EIF2AK4: variants seen among roughly 807,000 people sequenced by gnomAD.
EIF2AK4 encodes the protein eukaryotic translation initiation factor 2 alpha kinase 4.
EIF2AK4 carries 139 observed loss-of-function variants against 211.1 expected under a neutral mutation model. The observed-to-expected ratio is 0.66, with a 90% confidence interval of 0.57 to 0.76. The LOEUF (loss-of-function observed/expected upper bound fraction) is 0.76, where lower values mean the gene tolerates loss of function less well. Among genes scored for constraint, EIF2AK4 ranks in the 30% least tolerant of loss-of-function variants. The pLI is 0.00. For missense variants in EIF2AK4, 1,664 were observed against 2,043.8 expected (o/e 0.81, Z 3.58); for synonymous variants, 710 against 751.3 (o/e 0.94, Z 0.90).
chr15:40,022,194 GTGTGTGTGTGTGTGTGTGTGTA>G, intron 31 of EIF2AK4: 1 of 198,408 alleles, frequency 5.0e-6, no homozygotes, highest in Non-Finnish European at 1.0e-5. Context: ...GTGTGTGTGT[GTGTGTGTGTGTGTGTGTGTGTA>G]TGTTGTGTTG....
chr15:39,986,582 G>A (rs983662782), intron 14 of EIF2AK4, among the ~76,000 whole-genome samples: 1 of 152,244 alleles, frequency 6.6e-6, no homozygotes, highest in African/African-American at 2.4e-5. Flanking sequence ...GGCCGGGCAC[G>A]GTGGCTTACG....
At chr15:40,027,869 G>A (rs2035485449) in intron 33 of EIF2AK4, among the ~76,000 whole-genome samples, 1 of 149,058 alleles carries the variant, frequency 6.7e-6, no homozygotes, top group African/African-American at 2.4e-5. Context: ...CAGCCTGGGT[G>A]ACAGAGCGAG....
At chr15:39,938,065 C>G (rs916921476) in intron 1 of EIF2AK4, among the ~76,000 whole-genome samples, 1 of 152,206 alleles carries the variant, frequency 6.6e-6, no homozygotes, top group Admixed American at 6.5e-5. Context: ...CACCCCAAGT[C>G]GTTTGTTAAG....
At position 40,000,684 on chromosome 15, in the gene EIF2AK4, C is replaced by G. The variant is rs1231130959; in HGVS notation, c.2923-304C>G. Reference sequence around the variant, plus strand: ...TTTACATCTTTTTATACGATATTTTCTGTGTTTATAAGGCCTAATTTCTGC... The same window carrying G: ...TTTACATCTTTTTATACGATATTTTGTGTGTTTATAAGGCCTAATTTCTGC... On this transcript the variant is annotated intron_variant, in intron 20 of 38. Transcript: ENST00000263791. Among the ~76,000 whole-genome samples the G allele has an allele frequency of 2.0e-5, 3 of 151,968 alleles. No individual in the cohort carries two copies. The East Asian group carries it at 5.8e-4, about 29-fold the overall frequency.
At chr15:39,992,922 T>C in intron 18 of EIF2AK4, 74 bp downstream of exon 18, 1 of 1,391,662 alleles carries the variant, frequency 7.2e-7, no homozygotes, top group Admixed American at 1.7e-5. Flanking sequence ...ATTTGGGATT[T>C]AGTCCCGGCT....
At chr15:39,974,042 T>G (rs2140917015) in intron 11 of EIF2AK4, 2 of 213,894 alleles carry the variant, frequency 9.4e-6, no homozygotes, top group Admixed American at 5.8e-5. Context: ...AAAGAACATT[T>G]TTGTGTGCTT....
chr15:39,976,569 G>T lies in EIF2AK4; in HGVS notation c.1974G>T (p.Arg658=), dbSNP rs981078522. The stretch of plus-strand genomic sequence containing the variant: ...GCTACTACAACGCCTGGATCGAGCG[G>T]CACGAGCGGCCGGCGGGACCGGGGA... ...IVRYYNAWIE[R]HERPAGPGTP... Residue 658 remains arginine, a synonymous_variant, in exon 12 of 39, where the codon CGG becomes CGT. Coordinates refer to ENST00000263791, the MANE Select transcript of EIF2AK4 (RefSeq NM_001013703.4). 1 of 1,611,970 alleles carries T rather than the reference G, an allele frequency of 6.2e-7. No individual in the cohort carries two copies. The highest frequency in any genetic ancestry group is 8.5e-7 in the Non-Finnish European group (1 of 1,179,440).
In EIF2AK4 at chr15:39,955,628, G is replaced by A. The variant is rs755767819; in HGVS notation, c.603G>A (p.Leu201=). Residue 201 remains leucine (L), a synonymous_variant, in exon 6 of 39, where the codon TTG becomes TTA. Coordinates refer to ENST00000263791, the MANE Select transcript of EIF2AK4 (RefSeq NM_001013703.4). The part of the protein sequence containing the change: ...KRKEMAKQER[L]EIASLSNQDH... ...TACTTTTCTTGTTCTAGGAACGTTT[G>A]GAAATTGCTAGTTTGTCAAACCAAG... is the stretch of plus-strand genomic sequence containing the variant. The A allele has an allele frequency of 1.8e-5, 29 of 1,605,440 alleles. 1 individual carries two copies. The South Asian group carries it at 2.0e-4, about 11-fold the overall frequency.
chr15:39,981,357 C>T (rs1025510806), intron 13 of EIF2AK4, among the ~76,000 whole-genome samples: 5 of 150,760 alleles, frequency 3.3e-5, no homozygotes, highest in African/African-American at 9.8e-5. Context: ...GTGACAAGAG[C>T]GAAACTCTGT....
intron 13 of EIF2AK4, among the ~76,000 whole-genome samples, chr15:39,983,494 G>A (rs2034823055): frequency 6.6e-6 from 1 of 151,010 alleles, no homozygotes; most frequent in South Asian, 2.1e-4. Flanking sequence ...CCAGGGTAGA[G>A]TGCAATAGCA....
rs8030856 is a variant in EIF2AK4 at position 40,022,766 on chromosome 15, C to G, written c.4389+161C>G. 0.47 allele frequency among the ~76,000 whole-genome samples: 71,417 copies of G among 151,508 alleles called. 17,269 individuals carry two copies. The highest frequency in any genetic ancestry group is 0.67 in the East Asian group (3,430 of 5,156). ...CTTTTTTTTTTTTGAGACGGAGTCT[C>G]GCTGTCTCCCAGGCTGGAGTGCAAT... On this transcript the variant is annotated intron_variant, in intron 32 of 38. Coordinates refer to ENST00000263791, the MANE Select transcript of EIF2AK4 (RefSeq NM_001013703.4).
chr15:39,947,829 A>C (rs776496253), intron 3 of EIF2AK4, among the ~76,000 whole-genome samples: 1 of 152,224 alleles, frequency 6.6e-6, no homozygotes, highest in Non-Finnish European at 1.5e-5. Flanking sequence ...TTTGGAAAGT[A>C]GTTCTTTTCA....
At chr15:39,937,904 A>G (rs974828784) in intron 1 of EIF2AK4, among the ~76,000 whole-genome samples, 2 of 152,250 alleles carry the variant, frequency 1.3e-5, no homozygotes, top group Non-Finnish European at 2.9e-5. Context: ...AAAACTTTCA[A>G]AAATTGTTAC....
chr15:39,936,729 A>G (rs1190837032), intron 1 of EIF2AK4, among the ~76,000 whole-genome samples: 1 of 152,098 alleles, frequency 6.6e-6, no homozygotes, highest in Non-Finnish European at 1.5e-5. Context: ...AACTCTTGAG[A>G]CTTGATGGGT....
At chr15:40,016,934 A>G (rs1195760684) in intron 28 of EIF2AK4, among the ~76,000 whole-genome samples, 174 bp from the exon 29 acceptor site, 4 of 152,178 alleles carry the variant, frequency 2.6e-5, no homozygotes, top group African/African-American at 7.2e-5. Context: ...AAGAGAATTT[A>G]TTTTACTTGT....
At chr15:40,017,851 A>G (rs1352049367) in intron 29 of EIF2AK4, among the ~76,000 whole-genome samples, 1 of 152,036 alleles carries the variant, frequency 6.6e-6, no homozygotes, top group Non-Finnish European at 1.5e-5. Flanking sequence ...CACCCCTTGC[A>G]TAAGTACAGT....
Position 40,013,404 on chromosome 15 carries a change from A to C in EIF2AK4, c.3759+2058A>C, listed in dbSNP as rs545072067. Among the ~76,000 whole-genome samples, 27 of 152,324 alleles carry C rather than the reference A, an allele frequency of 1.8e-4. No homozygotes were observed. In the South Asian group the frequency reaches 5.4e-3, roughly 30 times the overall value. On this transcript the variant is annotated intron_variant, in intron 27 of 38. Coordinates refer to ENST00000263791, the MANE Select transcript of EIF2AK4 (RefSeq NM_001013703.4). ...TTAGTCTGCTGTCACACTGCTAATA[A>C]AGATATATCCGAGAGTGGGTAATTT...
chr15:39,964,636 A>G (rs918485904), intron 7 of EIF2AK4, among the ~76,000 whole-genome samples: 3 of 152,170 alleles, frequency 2.0e-5, no homozygotes, highest in Admixed American at 1.3e-4. Context: ...AATAGAGGGA[A>G]CTAAAAGAAA....
chr15:39,951,165 A>G (rs2034305930), intron 4 of EIF2AK4, among the ~76,000 whole-genome samples: 1 of 152,094 alleles, frequency 6.6e-6, no homozygotes, highest in Non-Finnish European at 1.5e-5. Context: ...ATTTCCCATC[A>G]TAGTGGATTC....
Sources: allele counts gnomAD v4.1 joint callset (sites outside exome capture counted in the v4.1 genomes callset), GRCh38; gene constraint gnomAD v4.1.1; transcripts MANE v1.5; gene names NCBI Gene and HGNC (gene_info 2026-07-23, HGNC 2026-07-21).